The following PRTG variants were observed in gnomAD, a reference collection of about 807,000 sequenced individuals.
PRTG encodes protogenin, also known as immunoglobulin superfamily, DCC subclass, member 5.
Under a neutral mutation model 122.5 loss-of-function variants are expected in PRTG, and 67 were observed. That is an observed-to-expected ratio of 0.55 (90% CI 0.45 to 0.67). PRTG has a LOEUF of 0.67. PRTG is among the 30% of genes least tolerant of loss of function. The probability of loss-of-function intolerance (pLI) is 0.00; values close to 1 mark genes in which losing one functional copy is unlikely to be tolerated. For missense variants in PRTG, 1,435 were observed against 1,415.4 expected (o/e 1.01, Z -0.22); for synonymous variants, 554 against 501.1 (o/e 1.11, Z -1.41).
chr15:55,712,811 CAAAT>C, intron 2 of PRTG, among the ~76,000 whole-genome samples: 1 of 152,108 alleles, frequency 6.6e-6, no homozygotes, highest in Non-Finnish European at 1.5e-5. Context: ...TTAAAGCTGT[CAAAT>C]AACTCAAGCA....
intron 11 of PRTG, among the ~76,000 whole-genome samples, chr15:55,658,841 G>A (rs541150007): frequency 3.0e-4 from 46 of 152,028 alleles, no homozygotes; most frequent in Non-Finnish European, 5.6e-4. Context: ...TTGTGTTTCT[G>A]TATTGAGTCA....
At chr15:55,690,374 AG>A (rs1336937089) in intron 2 of PRTG, among the ~76,000 whole-genome samples, 4 of 152,230 alleles carry the variant, frequency 2.6e-5, no homozygotes, top group Non-Finnish European at 5.9e-5. Context: ...TTTTATTCTC[AG>A]GGATCTTTGT....
intron 2 of PRTG, among the ~76,000 whole-genome samples, chr15:55,705,587 G>A (rs1459381855): frequency 2.0e-5 from 3 of 152,008 alleles, no homozygotes; most frequent in Admixed American, 1.3e-4. Flanking sequence ...CTGAGTAGCT[G>A]CGATTACAGG....
At chr15:55,737,995 TC>T (rs1194358951) in intron 2 of PRTG, among the ~76,000 whole-genome samples, 2 of 63,782 alleles carry the variant, frequency 3.1e-5, no homozygotes, top group Non-Finnish European at 7.6e-5. Flanking sequence ...TCTCTCTCTC[TC>T]TCTCTCTATA....
intron 11 of PRTG, among the ~76,000 whole-genome samples, chr15:55,650,080 G>A (rs2059345411): frequency 6.6e-6 from 1 of 152,118 alleles, no homozygotes; most frequent in African/African-American, 2.4e-5. Context: ...AGCTGGTTTG[G>A]GAATTTGGAG....
intron 2 of PRTG, 100 bp downstream of exon 2, chr15:55,740,282 T>C: frequency 8.9e-7 from 1 of 1,123,586 alleles, no homozygotes; most frequent in South Asian, 1.6e-5. Context: ...GTAAAATTCT[T>C]AATGCATGCA....
chr15:55,743,110 T>C lies in PRTG; in HGVS notation c.-179A>G. 2 of 1,276,856 alleles carry C rather than the reference T, an allele frequency of 1.6e-6. No individual in the cohort carries two copies. The highest frequency in any genetic ancestry group is 2.0e-6 in the Non-Finnish European group (2 of 1,016,200). The allele number at this position is 1,276,856 out of a possible 1,614,324, so 79.1% of individuals were successfully genotyped here. On this transcript the variant is annotated 5_prime_UTR_variant, in exon 1 of 20. Coordinates refer to ENST00000389286, the MANE Select transcript of PRTG (RefSeq NM_173814.6). The stretch of plus-strand genomic sequence containing the variant: ...GCGAGGCTGGTGCTCGGACGGCCGC[T>C]CGCGAGAAGCAAGGGGCCTGAGAGT...
chr15:55,639,793 G>A lies in PRTG; in HGVS notation c.2173C>T (p.Pro725Ser), dbSNP rs779443995. 1.2e-6 allele frequency: 2 copies of A among 1,614,158 alleles called. No individual in the cohort carries two copies. Among genetic ancestry groups the A allele is most frequent in the South Asian group, 1.1e-5 (1 of 91,082 alleles). ...RDRMVPPPPP[P>S]HHLYAKANTS... ...TTAGCCTTCGCATAGAGATGGTGGG[G>A]TGGTGGTGGAGGAGGGACCATGCGA... Residue 725 changes from proline (P) to serine (S), a missense_variant, in exon 13 of 20, where the codon CCC becomes TCC. Pro to Ser is a moderately conservative substitution (Grantham distance 74). Coordinates refer to ENST00000389286, the MANE Select transcript of PRTG (RefSeq NM_173814.6).
Position 55,620,081 on chromosome 15 carries a change from C to T in PRTG, c.3384G>A (p.Arg1128=). Residue 1128 remains arginine (R), a synonymous_variant, in exon 20 of 20, where the codon CGG becomes CGA. Coordinates refer to ENST00000389286, the MANE Select transcript of PRTG (RefSeq NM_173814.6). ...TCTCATCGTTGGACTCATGAGAAAA[C>T]CGCCCAGAATCCCCAGTCTCATGGC... ...EGSHETGDSG[R]FSHESNDEIH... 6.2e-7 allele frequency: 1 copy of T among 1,614,176 alleles called. No individual in the cohort carries two copies. Among genetic ancestry groups the T allele is most frequent in the Non-Finnish European group, 8.5e-7 (1 of 1,180,028 alleles).
intron 11 of PRTG, among the ~76,000 whole-genome samples, chr15:55,650,988 C>A (rs1253753293): frequency 6.6e-6 from 1 of 151,918 alleles, no homozygotes; most frequent in Non-Finnish European, 1.5e-5. Flanking sequence ...AGGAAAAGAA[C>A]ATGTCAAAGT....
intron 2 of PRTG, among the ~76,000 whole-genome samples, chr15:55,695,218 G>C (rs1474237622): frequency 6.6e-6 from 1 of 152,224 alleles, no homozygotes; most frequent in South Asian, 2.1e-4. Flanking sequence ...CACTGGAAAT[G>C]TATGACTACT....
intron 12 of PRTG, 50 bp from the exon 13 acceptor site, chr15:55,639,878 TA>T: frequency 1.3e-6 from 2 of 1,591,318 alleles, no homozygotes; most frequent in Non-Finnish European, 1.7e-6. Flanking sequence ...CATTTTAACA[TA>T]GAAAGTGGTA....
intron 2 of PRTG, among the ~76,000 whole-genome samples, chr15:55,738,918 G>A (rs2031524621): frequency 7.0e-6 from 1 of 143,868 alleles, no homozygotes; most frequent in Non-Finnish European, 1.5e-5. Context: ...GAAGGGGGAG[G>A]GAGAAAGGAA....
At chr15:55,733,626 A>C (rs1207585519) in intron 2 of PRTG, among the ~76,000 whole-genome samples, 2 of 152,146 alleles carry the variant, frequency 1.3e-5, no homozygotes, top group African/African-American at 4.8e-5. Context: ...CAGGAGTTCA[A>C]GGTCAGCCTG....
chr15:55,649,921 C>T (rs2059344693), intron 11 of PRTG, among the ~76,000 whole-genome samples: 1 of 152,182 alleles, frequency 6.6e-6, no homozygotes, highest in South Asian at 2.1e-4. Context: ...AATTGAACAA[C>T]AGACTCCATA....
intron 11 of PRTG, among the ~76,000 whole-genome samples, chr15:55,654,172 C>G (rs2059368114): frequency 6.6e-6 from 1 of 152,168 alleles, no homozygotes; most frequent in Admixed American, 6.5e-5. Flanking sequence ...AAGAAAGGAA[C>G]CTCACTGGCC....
chr15:55,622,217 T>G (rs978333019), intron 18 of PRTG, among the ~76,000 whole-genome samples: 8 of 39,808 alleles, frequency 2.0e-4, no homozygotes, highest in Non-Finnish European at 3.4e-4. Context: ...TTAGTACTTG[T>G]TTTTTTTTTT....
At chr15:55,657,081 C>G (rs1291926924) in intron 11 of PRTG, among the ~76,000 whole-genome samples, 1 of 152,084 alleles carries the variant, frequency 6.6e-6, no homozygotes, top group Non-Finnish European at 1.5e-5. Context: ...TACAGTATAC[C>G]AAGAATGAGG....
At chr15:55,724,712 C>T (rs1157547763) in intron 2 of PRTG, among the ~76,000 whole-genome samples, 1 of 152,070 alleles carries the variant, frequency 6.6e-6, no homozygotes, top group Non-Finnish European at 1.5e-5. Flanking sequence ...GAGCCAAGAT[C>T]ACACCATGGC....
Sources: allele counts gnomAD v4.1 joint callset (sites outside exome capture counted in the v4.1 genomes callset), GRCh38; gene constraint gnomAD v4.1.1; transcripts MANE v1.5; gene names NCBI Gene and HGNC (gene_info 2026-07-23, HGNC 2026-07-21).